Variants in TMCO4 observed in about 807,000 individuals in gnomAD.
TMCO4 encodes transmembrane and coiled-coil domains 4, also known as transmembrane and coiled-coil domain-containing protein 4.
Under a neutral mutation model 64.7 loss-of-function variants are expected in TMCO4, and 58 were observed. That is an observed-to-expected ratio of 0.90 (90% CI 0.73 to 1.12). The LOEUF is 1.12. TMCO4 is among the 50% of genes most tolerant of loss of function. TMCO4 has a pLI of 0.00. For synonymous variants in TMCO4, 325 were observed against 346.1 expected, an observed-to-expected ratio of 0.94 and a Z score of 0.68; for missense variants, 780 against 825.9, an observed-to-expected ratio of 0.94 and a Z score of 0.68.
Position 19,739,820 on chromosome 1 carries a change from G to A in TMCO4, c.1179+4C>T, listed in dbSNP as rs1209889432. On this transcript the variant is annotated splice_donor_region_variant and intron_variant, in intron 12 of 15. Coordinates refer to ENST00000294543, the MANE Select transcript of TMCO4 (RefSeq NM_181719.7). ...GCCACGCCCACACAGCCATTCCCAG[G>A]TACCTGCTGCCGGGAGAGCAGGATG... The A allele has an allele frequency of 1.2e-5, 19 of 1,612,250 alleles. No homozygotes were observed. The highest frequency in any genetic ancestry group is 1.5e-5 in the Non-Finnish European group (18 of 1,179,328).
chr1:19,711,148 G>A (rs1313820534), intron 13 of TMCO4, among the ~76,000 whole-genome samples: 2 of 152,206 alleles, frequency 1.3e-5, no homozygotes, highest in Non-Finnish European at 2.9e-5. Context: ...TTCATTCTAC[G>A]TGTACCACAC....
At chr1:19,694,207 G>A (rs115822411) in intron 15 of TMCO4, among the ~76,000 whole-genome samples, 3,822 of 152,182 alleles carry the variant, frequency 0.025, 122 homozygotes, top group African/African-American at 0.075. Flanking sequence ...TTGCCATGTC[G>A]CCCAGGCTGG....
intron 14 of TMCO4, among the ~76,000 whole-genome samples, chr1:19,697,908 C>T (rs1259345839): frequency 6.6e-6 from 1 of 152,134 alleles, no homozygotes; most frequent in Non-Finnish European, 1.5e-5. Flanking sequence ...GCCACTGCGC[C>T]TGTCCTCCAT....
At position 19,780,571 on chromosome 1, in the gene TMCO4, A is replaced by G; in HGVS notation, c.179+9T>C. On this transcript the variant is annotated intron_variant, in intron 4 of 15. Transcript: ENST00000294543. ...CATGACCTTCCCACTGCAAGACAGA[A>G]GAACTCACCTGTGTTCGGGTTCAGG... 1 of 1,584,160 alleles carries G rather than the reference A, an allele frequency of 6.3e-7. No individual in the cohort carries two copies. The highest frequency in any genetic ancestry group is 8.6e-7 in the Non-Finnish European group (1 of 1,165,820).
chr1:19,691,171 G>C (rs2095191938), intron 15 of TMCO4, among the ~76,000 whole-genome samples: 1 of 152,124 alleles, frequency 6.6e-6, no homozygotes, highest in African/African-American at 2.4e-5. Flanking sequence ...CCCGGCCCCT[G>C]TGAAGACTCT....
At chr1:19,684,101 TTTTG>T (rs1258101914) in intron 15 of TMCO4, among the ~76,000 whole-genome samples, 8 of 141,300 alleles carry the variant, frequency 5.7e-5, no homozygotes, top group East Asian at 4.2e-4. Context: ...GGGATGGGCT[TTTTG>T]TTAAAATAGC....
chr1:19,730,539 A>G (rs532945447), intron 13 of TMCO4, among the ~76,000 whole-genome samples: 31 of 152,332 alleles, frequency 2.0e-4, no homozygotes, highest in African/African-American at 7.2e-4. Flanking sequence ...GTCACACACA[A>G]TCCCTGCCCT....
At chr1:19,723,211 T>C (rs538758577) in intron 13 of TMCO4, among the ~76,000 whole-genome samples, 2 of 152,372 alleles carry the variant, frequency 1.3e-5, no homozygotes, top group Admixed American at 1.3e-4. Flanking sequence ...TCTGAAATGC[T>C]GCATTGAGCA....
intron 13 of TMCO4, among the ~76,000 whole-genome samples, chr1:19,705,296 C>T (rs752129515): frequency 9.6e-4 from 146 of 151,984 alleles, no homozygotes; most frequent in Middle Eastern, 3.4e-3. Flanking sequence ...ACTAAAAATA[C>T]AAAAATTAGC....
At chr1:19,730,859 C>CTG (rs2095427314) in intron 13 of TMCO4, among the ~76,000 whole-genome samples, 1 of 152,320 alleles carries the variant, frequency 6.6e-6, no homozygotes, top group Admixed American at 6.5e-5. Context: ...GTTACTAGCT[C>CTG]TCAGGGGACT....
intron 2 of TMCO4, among the ~76,000 whole-genome samples, chr1:19,797,020 C>G (rs192776415): frequency 5.3e-5 from 8 of 152,338 alleles, no homozygotes; most frequent in Admixed American, 5.2e-4. Context: ...CCTGGCAGAG[C>G]AGGGGTTCAA....
intron 6 of TMCO4, among the ~76,000 whole-genome samples, chr1:19,768,132 C>T (rs1033925878): frequency 2.0e-5 from 3 of 151,210 alleles, no homozygotes; most frequent in African/African-American, 7.3e-5. Flanking sequence ...TCCAAGTTGA[C>T]CTTGATGTGT....
At chr1:19,747,315 C>A in intron 7 of TMCO4, 55 bp from the exon 8 acceptor site, 1 of 1,475,388 alleles carries the variant, frequency 6.8e-7, no homozygotes. Context: ...TCCCTTGAGA[C>A]ATCCCCACCA....
In TMCO4 at chr1:19,770,543, A is replaced by T; in HGVS notation, c.381T>A (p.Asp127Glu). The change falls in exon 6 of 16, where the codon GAT becomes GAA. Residue 127 changes from aspartate (D) to glutamate (E), a missense_variant and splice_region_variant. By Grantham distance (45) the Asp-to-Glu change is conservative. Transcript: ENST00000294543. ...ACAGAGCTTAGAAAATCAACTTACC[A>T]TCCTTGAGTGAGAAGCTCAGAAGGT... ...TQDLLSFSLK[D>E]GHYDARARVL... The T allele has an allele frequency of 6.2e-7, 1 of 1,613,796 alleles. No individual in the cohort carries two copies. The highest frequency in any genetic ancestry group is 8.5e-7 in the Non-Finnish European group (1 of 1,179,822).
chr1:19,708,659 C>T (rs2100665300), intron 13 of TMCO4, among the ~76,000 whole-genome samples: 1 of 152,286 alleles, frequency 6.6e-6, no homozygotes, highest in Admixed American at 6.5e-5. Flanking sequence ...CCTTTCCACA[C>T]AGTGAGCTTC....
chr1:19,770,611 ACGATACAG>A (rs774927090), intron 5 of TMCO4, 42 bp from the exon 6 acceptor site: 1 of 1,598,516 alleles, frequency 6.3e-7, no homozygotes, highest in Non-Finnish European at 8.5e-7. Context: ...AAGCTGATAT[ACGATACAG>A]CGCGCTCATT....
chr1:19,683,468 C>A (rs772846926), intron 15 of TMCO4, 24 bp from the exon 16 acceptor site: 2 of 1,610,144 alleles, frequency 1.2e-6, no homozygotes, highest in South Asian at 2.2e-5. Context: ...TGAGTGAGCA[C>A]CACCGTGGGT....
intron 13 of TMCO4, among the ~76,000 whole-genome samples, chr1:19,728,611 C>G (rs1232161257): frequency 6.6e-6 from 1 of 152,216 alleles, no homozygotes; most frequent in African/African-American, 2.4e-5. Flanking sequence ...CCCTGCCTGG[C>G]TGGATCCAGG....
rs1359782773 is a variant in TMCO4 at position 19,770,537 on chromosome 1, C to T, written c.382+5G>A. 3.1e-6 allele frequency: 5 copies of T among 1,613,838 alleles called. No homozygotes were observed. Among genetic ancestry groups the T allele is most frequent in the Non-Finnish European group, 4.2e-6 (5 of 1,179,904 alleles). ...CCATTTACAGAGCTTAGAAAATCAA[C>T]TTACCATCCTTGAGTGAGAAGCTCA... On this transcript the variant is annotated splice_donor_5th_base_variant and intron_variant, in intron 6 of 15. Coordinates refer to ENST00000294543, the MANE Select transcript of TMCO4 (RefSeq NM_181719.7).
Sources: gnomAD v4.1 joint callset for allele counts (sites outside exome capture counted in the v4.1 genomes callset) on GRCh38, gnomAD v4.1.1 for gene constraint, MANE v1.5 for transcripts, NCBI Gene and HGNC (gene_info 2026-07-23, HGNC 2026-07-21) for gene names.